Variants in PLCH1 observed in about 807,000 individuals in gnomAD.
The protein encoded by PLCH1 is 1-phosphatidylinositol 4,5-bisphosphate phosphodiesterase eta-1.
Under a neutral mutation model 126.7 loss-of-function variants are expected in PLCH1, and 60 were observed. The observed-to-expected ratio is 0.47, with a 90% CI of 0.38 to 0.59. PLCH1 has a LOEUF of 0.59. Ranked by LOEUF, PLCH1 falls within the 20% of genes least tolerant of loss-of-function variation. PLCH1 has a pLI of 0.00. For synonymous variants in PLCH1, 719 were observed against 734.9 expected, an observed-to-expected ratio of 0.98 and a Z score of 0.35; for missense variants, 1,723 against 2,040.0, an observed-to-expected ratio of 0.84 and a Z score of 2.99.
chr3:155,522,087 G>C (rs1033941663), intron 11 of PLCH1, among the ~76,000 whole-genome samples: 1 of 152,090 alleles, frequency 6.6e-6, no homozygotes. Flanking sequence ...GGAAGTTGGA[G>C]AGCTCACTGG....
At chr3:155,542,280 T>A (rs1724421488) in intron 10 of PLCH1, among the ~76,000 whole-genome samples, 1 of 152,184 alleles carries the variant, frequency 6.6e-6, no homozygotes, top group South Asian at 2.1e-4. Flanking sequence ...GTCTCGCCGA[T>A]TGCTAGCACA....
chr3:155,534,374 T>G (rs599043), intron 10 of PLCH1, among the ~76,000 whole-genome samples: 40,370 of 152,220 alleles, frequency 0.27, 6,272 homozygotes, highest in African/African-American at 0.43. Flanking sequence ...GGAGCCTGTA[T>G]CTCCTTTGTT....
chr3:155,489,916 A>G (rs1229992788), intron 19 of PLCH1, among the ~76,000 whole-genome samples: 1 of 152,196 alleles, frequency 6.6e-6, no homozygotes. Context: ...CTCTTGAATC[A>G]GAGAAGATCT....
At chr3:155,671,735 G>A (rs1743473964) in intron 2 of PLCH1, among the ~76,000 whole-genome samples, 1 of 151,990 alleles carries the variant, frequency 6.6e-6, no homozygotes, top group East Asian at 1.9e-4. Flanking sequence ...AGGACATGGG[G>A]CAATATAAGT....
chr3:155,724,338 T>G (rs1425265775), intron 1 of PLCH1, among the ~76,000 whole-genome samples: 1 of 152,154 alleles, frequency 6.6e-6, no homozygotes, highest in African/African-American at 2.4e-5. Context: ...GTCAGTGGAG[T>G]ATTACAGTCC....
chr3:155,511,094 A>G (rs2108211190), intron 12 of PLCH1, among the ~76,000 whole-genome samples: 1 of 49,742 alleles, frequency 2.0e-5, no homozygotes, highest in South Asian at 8.8e-4. Context: ...TTCTCGCTTC[A>G]TTTCATTCAT....
chr3:155,684,694 T>C (rs1339476950), intron 2 of PLCH1, among the ~76,000 whole-genome samples: 1 of 152,146 alleles, frequency 6.6e-6, no homozygotes, highest in Non-Finnish European at 1.5e-5. Flanking sequence ...TACTGGCTCC[T>C]CCGGTAACAA....
intron 2 of PLCH1, among the ~76,000 whole-genome samples, chr3:155,634,452 T>G (rs914675818): frequency 3.9e-5 from 6 of 152,064 alleles, no homozygotes; most frequent in African/African-American, 1.2e-4. Context: ...CTCACTGTGG[T>G]GAGTGGGACT....
At chr3:155,479,123 G>T (rs1713678353), downstream of PLCH1, among the ~76,000 whole-genome samples, 1 of 152,100 alleles carries the variant, frequency 6.6e-6, no homozygotes, top group Non-Finnish European at 1.5e-5. Flanking sequence ...TAAACTCCTG[G>T]ATTTGTTTTA....
chr3:155,560,509 C>A (rs1031709470), intron 8 of PLCH1, among the ~76,000 whole-genome samples: 2 of 152,174 alleles, frequency 1.3e-5, no homozygotes, highest in Non-Finnish European at 2.9e-5. Context: ...TATTGAACGA[C>A]TAAATTTACA....
chr3:155,472,244 A>T (rs1368112890), intron 21 of PLCH1, among the ~76,000 whole-genome samples: 2 of 152,078 alleles, frequency 1.3e-5, no homozygotes, highest in African/African-American at 2.4e-5. Flanking sequence ...GATAAAGGGG[A>T]TATCACCACC....
intron 21 of PLCH1, among the ~76,000 whole-genome samples, chr3:155,461,190 T>C (rs190831019): frequency 6.6e-6 from 1 of 152,218 alleles, no homozygotes; most frequent in African/African-American, 2.4e-5. Context: ...ATTTTTCTAA[T>C]TGGACCTAAT....
At chr3:155,691,716 C>G (rs569884443) in intron 2 of PLCH1, among the ~76,000 whole-genome samples, 2 of 152,210 alleles carry the variant, frequency 1.3e-5, no homozygotes, top group Non-Finnish European at 2.9e-5. Flanking sequence ...ATCTGATATA[C>G]TCCAAATGAT....
chr3:155,615,469 A>G (rs1490272854), intron 2 of PLCH1, among the ~76,000 whole-genome samples: 1 of 152,230 alleles, frequency 6.6e-6, no homozygotes, highest in African/African-American at 2.4e-5. Flanking sequence ...ATTATATGAA[A>G]AAGACACATG....
chr3:155,543,067 G>T (rs1263152995), intron 10 of PLCH1, among the ~76,000 whole-genome samples: 2 of 152,166 alleles, frequency 1.3e-5, no homozygotes, highest in South Asian at 2.1e-4. Flanking sequence ...AGAGAACAAG[G>T]CTTCAGATGA....
At chr3:155,499,728 G>A (rs745452803) in intron 14 of PLCH1, among the ~76,000 whole-genome samples, 3 of 152,154 alleles carry the variant, frequency 2.0e-5, no homozygotes, top group Admixed American at 6.6e-5. Flanking sequence ...TCAGAGTTAA[G>A]CCTTTCTCAA....
intron 2 of PLCH1, among the ~76,000 whole-genome samples, chr3:155,685,613 C>T (rs1278090288): frequency 1.3e-5 from 2 of 152,206 alleles, no homozygotes; most frequent in Admixed American, 6.5e-5. Context: ...CCTGGTTCTA[C>T]CAGTAACTTA....
At chr3:155,694,815 C>A (rs1274678877) in intron 2 of PLCH1, among the ~76,000 whole-genome samples, 1 of 152,112 alleles carries the variant, frequency 6.6e-6, no homozygotes, top group East Asian at 1.9e-4. Flanking sequence ...TAGGTGCTGA[C>A]CATTTTTCTT....
intron 10 of PLCH1, among the ~76,000 whole-genome samples, chr3:155,532,982 T>C (rs1256787017): frequency 2.0e-5 from 3 of 152,170 alleles, no homozygotes; most frequent in African/African-American, 7.2e-5. Flanking sequence ...TCCTAGAACT[T>C]GTTGAATGGT....
Sources: allele counts gnomAD v4.1 joint callset (sites outside exome capture counted in the v4.1 genomes callset), GRCh38; gene constraint gnomAD v4.1.1; transcripts MANE v1.5; gene names NCBI Gene and HGNC (gene_info 2026-07-23, HGNC 2026-07-21).